REEP5: variants seen among roughly 807,000 people sequenced by gnomAD.
REEP5 encodes receptor accessory protein 5.
Under a neutral mutation model 22.4 loss-of-function variants are expected in REEP5, and 24 were observed. The ratio of observed to expected loss-of-function variants is 1.07; its 90% CI spans 0.78 to 1.51. The LOEUF is 1.51. Ranked by LOEUF, REEP5 falls within the 40% of genes most tolerant of loss-of-function variation. The pLI, the probability that REEP5 is intolerant of heterozygous loss-of-function variation, is 0.00. For missense variants in REEP5, 252 were observed against 233.0 expected (o/e 1.08, Z -0.53); for synonymous variants, 103 against 88.6 (o/e 1.16, Z -0.92).
intron 4 of REEP5, chr5:112,882,140 C>G (rs1768097985): frequency 6.5e-6 from 1 of 153,386 alleles, no homozygotes; most frequent in Admixed American, 6.5e-5. Context: ...TTCTAATATC[C>G]TGACCTCTTA....
chr5:112,922,059 C>G lies in REEP5; in HGVS notation c.118+14G>C. The G allele has an allele frequency of 6.3e-7, 1 of 1,584,976 alleles. No individual in the cohort carries two copies. On this transcript the variant is annotated intron_variant, in intron 1 of 4. Coordinates refer to ENST00000379638, the MANE Select transcript of REEP5 (RefSeq NM_005669.5). ...CCGTGGCCCTACCAGCGGCGGCGACCCCCGGCCACCCACCAAGAGCGATGA... is the reference window on the plus strand; with the variant it reads ...CCGTGGCCCTACCAGCGGCGGCGACGCCCGGCCACCCACCAAGAGCGATGA...
intron 4 of REEP5, among the ~76,000 whole-genome samples, chr5:112,880,066 G>T (rs1333907033): frequency 6.6e-6 from 1 of 152,080 alleles, no homozygotes; most frequent in Non-Finnish European, 1.5e-5. Context: ...CCTATGATGA[G>T]AAGAGTTTGC....
At chr5:112,884,538 C>G (rs753848859) in intron 4 of REEP5, among the ~76,000 whole-genome samples, 2 of 151,896 alleles carry the variant, frequency 1.3e-5, no homozygotes, top group Non-Finnish European at 2.9e-5. Flanking sequence ...TCACAACGTC[C>G]GGCTAATTTT....
intron 2 of REEP5, among the ~76,000 whole-genome samples, chr5:112,907,180 C>T (rs1177449306): frequency 2.0e-5 from 3 of 152,156 alleles, no homozygotes; most frequent in Non-Finnish European, 4.4e-5. Flanking sequence ...TCTGGAATGA[C>T]CCCATGGCAA....
chr5:112,921,664 C>A, intron 1 of REEP5: 1 of 242,948 alleles, frequency 4.1e-6, no homozygotes, highest in East Asian at 1.2e-4. Flanking sequence ...CCCCGCCCAC[C>A]CGAGAGGCGC....
At chr5:112,921,524 C>T in intron 1 of REEP5, 1 of 525,444 alleles carries the variant, frequency 1.9e-6, no homozygotes, top group Non-Finnish European at 3.4e-6. Flanking sequence ...CCCCCGGCGC[C>T]CGGGACGGTC....
Position 112,892,277 on chromosome 5 carries a change from C to A in REEP5, c.352-5094G>T, listed in dbSNP as rs1768491801. 2.5e-6 allele frequency: 4 copies of A among 1,614,032 alleles called. No homozygotes were observed. The East Asian group carries it at 8.9e-5, about 36-fold the overall frequency. On this transcript the variant is annotated intron_variant, in intron 3 of 4. Coordinates refer to ENST00000379638, the MANE Select transcript of REEP5 (RefSeq NM_005669.5). ...CTTCTTATTAAGAGCATGTTTACAA[C>A]GTTTGGAATGGAGCAGTGCAGGAGG... is the stretch of plus-strand genomic sequence containing the variant.
At chr5:112,902,343 C>G in intron 3 of REEP5, 37 bp downstream of exon 3, 1 of 1,580,602 alleles carries the variant, frequency 6.3e-7, no homozygotes, top group Non-Finnish European at 8.6e-7. Flanking sequence ...TATACAGGTA[C>G]TGAGATGGAG....
chr5:112,889,494 C>T (rs1466045225), intron 3 of REEP5, among the ~76,000 whole-genome samples: 1 of 150,554 alleles, frequency 6.6e-6, no homozygotes, highest in African/African-American at 2.5e-5. Flanking sequence ...ATTAAAATTC[C>T]TGAACTTGTA....
At chr5:112,893,742 C>G (rs964293717) in intron 3 of REEP5, 2 of 152,286 alleles carry the variant, frequency 1.3e-5, no homozygotes, top group African/African-American at 4.8e-5. Flanking sequence ...CTTCTGCACA[C>G]ACACAATGGT....
At position 112,880,538 on chromosome 5, in the gene REEP5, A is replaced by G. The variant is rs76862864; in HGVS notation, c.521-1703T>C. Among the ~76,000 whole-genome samples the G allele has an allele frequency of 7.7e-3, 1,168 of 152,356 alleles. 18 individuals are homozygous for G. Among genetic ancestry groups the G allele is most frequent in the African/African-American group, 0.027 (1,107 of 41,586 alleles). ...GTTAAAATTACTGAACCAAGTTCAC[A>G]GCAAAGGAGAAAATGTAGTCCTTCC... On this transcript the variant is annotated intron_variant, in intron 4 of 4. Transcript: ENST00000379638.
At chr5:112,906,938 GA>G (rs1340061055) in intron 2 of REEP5, among the ~76,000 whole-genome samples, 2 of 152,144 alleles carry the variant, frequency 1.3e-5, no homozygotes, top group Non-Finnish European at 2.9e-5. Context: ...GAGGCCAAAA[GA>G]GAAGAAAAGT....
At chr5:112,901,059 G>A (rs1768829576) in intron 3 of REEP5, among the ~76,000 whole-genome samples, 2 of 151,904 alleles carry the variant, frequency 1.3e-5, no homozygotes, top group Admixed American at 6.6e-5. Flanking sequence ...GGCTGGTCTC[G>A]AACTCCTGAG....
chr5:112,905,466 G>A lies in REEP5; in HGVS notation c.213-2948C>T, dbSNP rs148609956. On this transcript the variant is annotated intron_variant, in intron 2 of 4. Coordinates refer to ENST00000379638, the MANE Select transcript of REEP5 (RefSeq NM_005669.5). ...TGAGGCAGGAGACTCACTTGAACCC[G>A]GGAGGCGGGGGTTGCAGTGAGCCGA... is the stretch of plus-strand genomic sequence containing the variant. Among the ~76,000 whole-genome samples the A allele has an allele frequency of 4.1e-3, 624 of 151,840 alleles. 2 individuals are homozygous for A. The highest frequency in any genetic ancestry group is 0.014 in the African/African-American group (590 of 41,446).
rs1768874874 is a variant in REEP5 at position 112,902,502 on chromosome 5, T to C, written c.229A>G (p.Ser77Gly). The C allele has an allele frequency of 6.3e-7, 1 of 1,598,922 alleles. No homozygotes were observed. The highest frequency in any genetic ancestry group is 1.3e-5 in the African/African-American group (1 of 74,140). The part of the protein sequence containing the change: ...PAYISIKAIE[S>G]PNKEDDTQWL... Reference sequence around the variant, plus strand: ...TGGGTATCATCTTCTTTGTTGGGACTCTCTATAGCTTTAATTCTGAAAGGC... The same window carrying C: ...TGGGTATCATCTTCTTTGTTGGGACCCTCTATAGCTTTAATTCTGAAAGGC... Residue 77 changes from serine to glycine, a missense_variant, in exon 3 of 5, where the codon AGT becomes GGT. Transcript: ENST00000379638.
At chr5:112,905,505 C>CA (rs1370536708) in intron 2 of REEP5, among the ~76,000 whole-genome samples, 1 of 150,252 alleles carries the variant, frequency 6.7e-6, no homozygotes, top group Non-Finnish European at 1.5e-5. Flanking sequence ...TCCACCACTG[C>CA]ACTCCAGCCT....
At chr5:112,881,531 C>T (rs527645186) in intron 4 of REEP5, among the ~76,000 whole-genome samples, 93 of 152,274 alleles carry the variant, frequency 6.1e-4, no homozygotes, top group Middle Eastern at 6.8e-3. Context: ...GCTGGCTGTG[C>T]CCTGAGGACA....
intron 4 of REEP5, among the ~76,000 whole-genome samples, chr5:112,883,138 T>G (rs1194794763): frequency 1.3e-5 from 2 of 152,250 alleles, no homozygotes; most frequent in Non-Finnish European, 2.9e-5. Context: ...GAAAAAAACT[T>G]TTAAAATTTC....
chr5:112,883,187 T>C (rs1768130224), intron 4 of REEP5, among the ~76,000 whole-genome samples: 1 of 152,272 alleles, frequency 6.6e-6, no homozygotes, highest in Admixed American at 6.5e-5. Flanking sequence ...GCCCCATTCT[T>C]CTGCTCTCCT....
Sources: allele counts gnomAD v4.1 joint callset (sites outside exome capture counted in the v4.1 genomes callset), GRCh38; gene constraint gnomAD v4.1.1; transcripts MANE v1.5; gene names NCBI Gene and HGNC (gene_info 2026-07-23, HGNC 2026-07-21).